Variants in ITGA9 observed in about 807,000 individuals in gnomAD.
ITGA9 encodes integrin subunit alpha 9.
ITGA9 carries 56 observed loss-of-function variants against 127.8 expected under a neutral mutation model. The ratio of observed to expected loss-of-function variants is 0.44; its 90% CI spans 0.35 to 0.55. The LOEUF is 0.55. Ranked by LOEUF, ITGA9 falls within the 20% of genes least tolerant of loss-of-function variation. The pLI is 0.00. For synonymous variants in ITGA9, 508 were observed against 514.5 expected (o/e 0.99, Z 0.17); for missense variants, 1,196 against 1,347.1 (o/e 0.89, Z 1.76).
intron 26 of ITGA9, among the ~76,000 whole-genome samples, chr3:37,786,037 G>C (rs1018582767): frequency 7.4e-6 from 1 of 135,866 alleles, no homozygotes; most frequent in Non-Finnish European, 1.6e-5. Context: ...GTTGAGGGGG[G>C]TTCATCCTGT....
At chr3:37,609,875 A>T (rs1443022316) in intron 15 of ITGA9, among the ~76,000 whole-genome samples, 1 of 152,184 alleles carries the variant, frequency 6.6e-6, no homozygotes, top group Non-Finnish European at 1.5e-5. Flanking sequence ...AAGGTTGGGG[A>T]ATTGGACCCT....
chr3:37,477,401 A>G (rs1320800839), intron 3 of ITGA9, among the ~76,000 whole-genome samples: 1 of 152,214 alleles, frequency 6.6e-6, no homozygotes, highest in Non-Finnish European at 1.5e-5. Context: ...CTCAGTGACC[A>G]AAGGCATTAT....
At chr3:37,460,882 C>T (rs185370298) in intron 1 of ITGA9, among the ~76,000 whole-genome samples, 4 of 152,134 alleles carry the variant, frequency 2.6e-5, no homozygotes, top group Non-Finnish European at 2.9e-5. Flanking sequence ...AGCCACCGCA[C>T]CCGGACTATG....
rs115184873 is a variant in ITGA9, at chr3:37,482,085, C to T, written c.544+478C>T. ...CATTAGGCTCCCACACAGCTTCTGG[C>T]TGCACTGTGGACAGATGTCCTGAGG... On this transcript the variant is annotated intron_variant, in intron 4 of 27. Transcript: ENST00000264741. Among the ~76,000 whole-genome samples, 998 of 152,346 alleles carry T rather than the reference C, an allele frequency of 6.6e-3. 9 individuals are homozygous for T. Among genetic ancestry groups the T allele is most frequent in the Middle Eastern group, 0.014 (4 of 294 alleles).
In ITGA9 at chr3:37,452,586, C is replaced by G; in HGVS notation, c.185+27C>G. On this transcript the variant is annotated intron_variant, in intron 1 of 27. Transcript: ENST00000264741. The surrounding 1 kb of genome is among the most constrained non-coding windows in gnomAD (Gnocchi z 7.3). ...TGAGTGCCCGCCCGACTCCGCGACC[C>G]TGGCCCGCGCGGCCACCGCCCCGGC... The G allele has an allele frequency of 6.7e-7, 1 of 1,487,588 alleles. No individual in the cohort carries two copies. The highest frequency in any genetic ancestry group is 1.3e-5 in the South Asian group (1 of 79,280). The allele number at this position is 1,487,588 out of a possible 1,614,324, so 92.1% of individuals were successfully genotyped here.
At chr3:37,780,463 C>T (rs1696963437) in intron 25 of ITGA9, among the ~76,000 whole-genome samples, 1 of 152,064 alleles carries the variant, frequency 6.6e-6, no homozygotes, top group Non-Finnish European at 1.5e-5. Flanking sequence ...CATTTCCATC[C>T]ATGTTGCTGC....
intron 3 of ITGA9, among the ~76,000 whole-genome samples, chr3:37,480,208 T>G (rs1052680789): frequency 1.3e-5 from 2 of 151,676 alleles, no homozygotes; most frequent in Admixed American, 6.6e-5. Flanking sequence ...CACTGTCATG[T>G]CCAAGCAGAA....
intron 23 of ITGA9, among the ~76,000 whole-genome samples, chr3:37,761,396 T>C (rs553564901): frequency 8.5e-5 from 13 of 152,328 alleles, no homozygotes; most frequent in African/African-American, 3.1e-4. Flanking sequence ...TTTCTGATAG[T>C]AGGTGTATAT....
At chr3:37,564,800 G>C (rs907143776) in intron 15 of ITGA9, among the ~76,000 whole-genome samples, 1 of 152,184 alleles carries the variant, frequency 6.6e-6, no homozygotes, top group Non-Finnish European at 1.5e-5. Context: ...TCCCAGCCAG[G>C]CTCATCCACC....
At chr3:37,544,311 G>C (rs933559371) in intron 15 of ITGA9, among the ~76,000 whole-genome samples, 1 of 152,106 alleles carries the variant, frequency 6.6e-6, no homozygotes, top group Non-Finnish European at 1.5e-5. Context: ...CAAGGGGTTG[G>C]TCCTGCTACT....
intron 17 of ITGA9, among the ~76,000 whole-genome samples, chr3:37,666,013 T>G (rs1026555346): frequency 2.4e-4 from 37 of 152,216 alleles, no homozygotes; most frequent in African/African-American, 8.9e-4. Context: ...TTCATTCGTT[T>G]GACAAATGTG....
chr3:37,768,347 GTATGACTAC>G (rs1451577310), intron 23 of ITGA9, among the ~76,000 whole-genome samples: 11 of 152,112 alleles, frequency 7.2e-5, no homozygotes, highest in Non-Finnish European at 1.5e-5. Context: ...CTCAGTTATT[GTATGACTAC>G]TATCTTTATT....
chr3:37,472,595 C>T (rs1470468776), intron 2 of ITGA9, among the ~76,000 whole-genome samples: 1 of 152,012 alleles, frequency 6.6e-6, no homozygotes, highest in Non-Finnish European at 1.5e-5. Flanking sequence ...GGGGTTTCGC[C>T]ATGTTGGCCA....
Position 37,571,774 on chromosome 3 carries a change from G to C in ITGA9, c.1689+29189G>C, listed in dbSNP as rs1041565582. ...TTCTGCTTTCTTAGGCACTAGGAAGGCAAGGAGATACTTGGGGCTGGAAGG... is the reference window on the plus strand; with the variant it reads ...TTCTGCTTTCTTAGGCACTAGGAAGCCAAGGAGATACTTGGGGCTGGAAGG... On this transcript the variant is annotated intron_variant, in intron 15 of 27. Coordinates refer to ENST00000264741, the MANE Select transcript of ITGA9 (RefSeq NM_002207.3). Among the ~76,000 whole-genome samples, 25 of 152,096 alleles carry C rather than the reference G, an allele frequency of 1.6e-4. 1 individual carries two copies. Among genetic ancestry groups the C allele is most frequent in the Non-Finnish European group, 5.9e-5 (4 of 68,018 alleles).
chr3:37,766,638 TA>T (rs775636873), intron 23 of ITGA9, among the ~76,000 whole-genome samples: 4 of 152,182 alleles, frequency 2.6e-5, no homozygotes, highest in Non-Finnish European at 5.9e-5. Context: ...TTCTTTACCT[TA>T]AGATGGGTCC....
At chr3:37,634,470 A>G (rs1700258498) in intron 16 of ITGA9, among the ~76,000 whole-genome samples, 2 of 152,224 alleles carry the variant, frequency 1.3e-5, no homozygotes, top group Non-Finnish European at 1.5e-5. Context: ...TAAGTCAAAA[A>G]TAGACTTTAA....
chr3:37,489,091 A>G (rs1698640495), intron 4 of ITGA9, among the ~76,000 whole-genome samples: 1 of 152,222 alleles, frequency 6.6e-6, no homozygotes, highest in Non-Finnish European at 1.5e-5. Flanking sequence ...CCCTTTTGTG[A>G]CTGGCTTGTT....
chr3:37,740,562 G>A lies in ITGA9; in HGVS notation c.2235-1168G>A, dbSNP rs147829423. Reference sequence around the variant, plus strand: ...ACAGCTGAGAGAGCCCTAGTTTGAAGTCTGACTGAGCTGGTTGGAATCTCA... The same window carrying A: ...ACAGCTGAGAGAGCCCTAGTTTGAAATCTGACTGAGCTGGTTGGAATCTCA... On this transcript the variant is annotated intron_variant, in intron 20 of 27. Transcript: ENST00000264741. Among the ~76,000 whole-genome samples the A allele has an allele frequency of 6.0e-3, 913 of 152,270 alleles. 11 individuals are homozygous for A. Among genetic ancestry groups the A allele is most frequent in the African/African-American group, 0.02 (850 of 41,546 alleles).
chr3:37,522,051 G>A (rs1185566322), intron 11 of ITGA9, among the ~76,000 whole-genome samples: 4 of 152,060 alleles, frequency 2.6e-5, no homozygotes, highest in African/African-American at 7.2e-5. Flanking sequence ...TGTAGATCCT[G>A]TGAAAACTCC....
Sources: gnomAD v4.1 joint callset for allele counts (sites outside exome capture counted in the v4.1 genomes callset) on GRCh38, gnomAD v4.1.1 for gene constraint, Gnocchi (gnomAD v3.1) non-coding constraint, MANE v1.5 for transcripts, NCBI Gene and HGNC (gene_info 2026-07-23, HGNC 2026-07-21) for gene names.